Variants in EXOC4 observed in about 807,000 individuals in gnomAD.
The protein encoded by EXOC4 is SEC8-like 1.
Under a neutral mutation model 107.2 loss-of-function variants are expected in EXOC4, and 71 were observed. The ratio of observed to expected loss-of-function variants is 0.66; its 90% CI spans 0.55 to 0.81. EXOC4 has a LOEUF of 0.81. EXOC4 is among the 30% of genes least tolerant of loss of function. EXOC4 has a pLI of 0.00. For missense variants in EXOC4, 1,108 were observed against 1,189.6 expected, an observed-to-expected ratio of 0.93 and a Z score of 1.01; for synonymous variants, 456 against 441.2, an observed-to-expected ratio of 1.03 and a Z score of -0.42.
chr7:133,678,433 T>G (rs1451449090), intron 10 of EXOC4, among the ~76,000 whole-genome samples: 1 of 152,240 alleles, frequency 6.6e-6, no homozygotes, highest in Non-Finnish European at 1.5e-5. Flanking sequence ...CACTTCCAAC[T>G]GTTTCCCTCA....
At chr7:133,393,768 T>C (rs749989257) in intron 7 of EXOC4, among the ~76,000 whole-genome samples, 9 of 152,246 alleles carry the variant, frequency 5.9e-5, no homozygotes, top group Non-Finnish European at 8.8e-5. Flanking sequence ...TCCCAGCCTC[T>C]GGAAATGTGA....
chr7:133,463,290 G>A (rs1798638337), intron 7 of EXOC4, among the ~76,000 whole-genome samples: 1 of 152,100 alleles, frequency 6.6e-6, no homozygotes, highest in Non-Finnish European at 1.5e-5. Flanking sequence ...GAGCTCCCCC[G>A]CTTTGGTGCC....
intron 9 of EXOC4, among the ~76,000 whole-genome samples, chr7:133,598,649 A>G (rs1801737595): frequency 6.6e-6 from 1 of 152,154 alleles, no homozygotes; most frequent in African/African-American, 2.4e-5. Context: ...GGTATTTCCG[A>G]TGAACATTTA....
At chr7:133,852,388 A>T (rs376488747) in intron 11 of EXOC4, among the ~76,000 whole-genome samples, 1 of 152,154 alleles carries the variant, frequency 6.6e-6, no homozygotes. Context: ...TCTAAGGACT[A>T]TAGTCTGTTA....
chr7:133,546,546 T>A lies in EXOC4; in HGVS notation c.1417+66408T>A, dbSNP rs555883799. Among the ~76,000 whole-genome samples the A allele has an allele frequency of 2.0e-5, 3 of 152,184 alleles. No individual in the cohort carries two copies. In the South Asian group the frequency reaches 6.2e-4, roughly 32 times the overall value. On this transcript the variant is annotated intron_variant, in intron 9 of 17. Coordinates refer to ENST00000253861, the MANE Select transcript of EXOC4 (RefSeq NM_021807.4). ...GCTGGGATTGCAGGAGTGAGCCACTTTACCCGGCCTTAGCTGGAAAACTTG... is the reference window on the plus strand; with the variant it reads ...GCTGGGATTGCAGGAGTGAGCCACTATACCCGGCCTTAGCTGGAAAACTTG...
At chr7:133,514,983 A>C (rs1799845269) in intron 9 of EXOC4, among the ~76,000 whole-genome samples, 1 of 152,292 alleles carries the variant, frequency 6.6e-6, no homozygotes, top group Non-Finnish European at 1.5e-5. Context: ...ATCATTAATG[A>C]GAAGCTCAGA....
chr7:133,377,570 T>G (rs1169905094), intron 7 of EXOC4, among the ~76,000 whole-genome samples: 1 of 152,070 alleles, frequency 6.6e-6, no homozygotes, highest in African/African-American at 2.4e-5. Context: ...GGTTTACAGG[T>G]ACAGAAGGAG....
intron 3 of EXOC4, among the ~76,000 whole-genome samples, chr7:133,292,956 A>G (rs758751389): frequency 6.6e-6 from 1 of 152,156 alleles, no homozygotes; most frequent in Non-Finnish European, 1.5e-5. Context: ...TTTATTTCTT[A>G]ATGGCAAGGT....
downstream of EXOC4, among the ~76,000 whole-genome samples, chr7:134,070,271 G>A (rs1276616143): frequency 6.6e-6 from 1 of 151,024 alleles, no homozygotes; most frequent in African/African-American, 2.4e-5. Flanking sequence ...GACCAGATGT[G>A]AAATACAGCA....
At chr7:133,319,931 A>G (rs1334419318) in intron 5 of EXOC4, among the ~76,000 whole-genome samples, 1 of 136,082 alleles carries the variant, frequency 7.3e-6, no homozygotes, top group Non-Finnish European at 1.5e-5. Context: ...ATATGTGTTT[A>G]GTGCCTACCA....
intron 10 of EXOC4, among the ~76,000 whole-genome samples, chr7:133,641,133 C>T (rs1405609712): frequency 2.6e-5 from 4 of 152,174 alleles, no homozygotes; most frequent in Non-Finnish European, 5.9e-5. Context: ...AGAATTATCA[C>T]AGGAAGCCAT....
downstream of EXOC4, among the ~76,000 whole-genome samples, chr7:134,070,352 C>G (rs967687309): frequency 6.6e-6 from 1 of 152,170 alleles, no homozygotes; most frequent in Non-Finnish European, 1.5e-5. Context: ...TTGGCGCAGG[C>G]GGAAGGCCTG....
intron 11 of EXOC4, among the ~76,000 whole-genome samples, chr7:133,839,178 G>A (rs975199342): frequency 6.6e-6 from 1 of 152,268 alleles, no homozygotes; most frequent in South Asian, 2.1e-4. Context: ...TAGTGCCAGC[G>A]TTTTGAAAAA....
rs77635285 is a variant in EXOC4, at chr7:133,510,668, A to G, written c.1417+30530A>G. 4.8e-3 allele frequency among the ~76,000 whole-genome samples: 736 copies of G among 152,314 alleles called. 4 individuals carry two copies. The highest frequency in any genetic ancestry group is 0.017 in the Middle Eastern group (5 of 294). The stretch of plus-strand genomic sequence containing the variant: ...CGAGCAATAGAATTGTCTCAAAAGC[A>G]TGTATTAAAACAACCCTCACTGTTA... On this transcript the variant is annotated intron_variant, in intron 9 of 17. Transcript: ENST00000253861.
At chr7:133,358,192 A>G (rs1363368797) in intron 6 of EXOC4, among the ~76,000 whole-genome samples, 2 of 152,164 alleles carry the variant, frequency 1.3e-5, no homozygotes, top group Middle Eastern at 3.2e-3. Context: ...TCTCAAACAA[A>G]CAAACAAACA....
At chr7:134,060,442 A>G (rs1445215353) in intron 17 of EXOC4, among the ~76,000 whole-genome samples, 10 of 152,226 alleles carry the variant, frequency 6.6e-5, no homozygotes, top group Non-Finnish European at 1.5e-5. Context: ...TCAAATGTGC[A>G]TTCACTGATC....
At chr7:133,953,333 C>T (rs528032741) in intron 14 of EXOC4, among the ~76,000 whole-genome samples, 11 of 152,156 alleles carry the variant, frequency 7.2e-5, no homozygotes, top group African/African-American at 2.4e-4. Flanking sequence ...CGCAGTGGCT[C>T]ATGCCTGTAA....
intron 11 of EXOC4, among the ~76,000 whole-genome samples, chr7:133,888,596 G>C (rs936500562): frequency 1.3e-5 from 2 of 152,180 alleles, no homozygotes; most frequent in South Asian, 2.1e-4. Flanking sequence ...GCACAGTGCT[G>C]TCGGCATCTA....
chr7:133,658,843 GGA>G (rs1198939778), intron 10 of EXOC4, among the ~76,000 whole-genome samples: 1 of 152,096 alleles, frequency 6.6e-6, no homozygotes. Context: ...CATAGTTTAT[GGA>G]GAGACTAGTG....
Sources: gnomAD v4.1 joint callset for allele counts (sites outside exome capture counted in the v4.1 genomes callset) on GRCh38, gnomAD v4.1.1 for gene constraint, MANE v1.5 for transcripts, NCBI Gene and HGNC (gene_info 2026-07-23, HGNC 2026-07-21) for gene names.